FSTL4: variants seen among roughly 807,000 people sequenced by gnomAD.
FSTL4 encodes the protein follistatin like 4, also known as follistatin-related protein 4.
Under a neutral mutation model 78.2 loss-of-function variants are expected in FSTL4, and 28 were observed. The ratio of observed to expected loss-of-function variants is 0.36; its 90% CI spans 0.27 to 0.49. FSTL4 has a LOEUF of 0.49. Ranked by LOEUF, FSTL4 falls within the 20% of genes least tolerant of loss-of-function variation. FSTL4 has a pLI of 0.98. For synonymous variants in FSTL4, 422 were observed against 440.5 expected (o/e 0.96, Z 0.53); for missense variants, 922 against 1,084.9 (o/e 0.85, Z 2.11).
At position 133,239,849 on chromosome 5, in the gene FSTL4, C is replaced by G. The variant is rs535167516; in HGVS notation, c.895-6312G>C. ...GTGTCTAGCTCAGGGATTATAAACGCACCAATCAGCACCCTGTCAAAACGG... is the reference window on the plus strand; with the variant it reads ...GTGTCTAGCTCAGGGATTATAAACGGACCAATCAGCACCCTGTCAAAACGG... On this transcript the variant is annotated intron_variant, in intron 7 of 15. Transcript: ENST00000265342. Among the ~76,000 whole-genome samples the G allele has an allele frequency of 1.2e-4, 19 of 152,304 alleles. No homozygotes were observed. The East Asian group carries it at 2.1e-3, about 17-fold the overall frequency.
At chr5:133,553,023 C>T (rs1310754540) in intron 3 of FSTL4, among the ~76,000 whole-genome samples, 1 of 152,192 alleles carries the variant, frequency 6.6e-6, no homozygotes, top group Non-Finnish European at 1.5e-5. Flanking sequence ...CCTGGTCCTG[C>T]GGTTCCCTGT....
chr5:133,244,843 G>A (rs527551174), intron 7 of FSTL4: 18 of 152,556 alleles, frequency 1.2e-4, no homozygotes, highest in African/African-American at 3.8e-4. Flanking sequence ...GCAAAGGCCA[G>A]GTACGGTGGC....
rs768928025 is a variant in FSTL4, at chr5:133,225,076, C to G, written c.1312+74G>C. 4.5e-6 allele frequency: 7 copies of G among 1,557,984 alleles called. No homozygotes were observed. The highest frequency in any genetic ancestry group is 6.2e-6 in the Non-Finnish European group (7 of 1,132,286). ...CATGGTTGGCAGCTGTGGCCCTGGT[C>G]AATTGGTGCCCTCCCTTGCCACCCA... is the stretch of plus-strand genomic sequence containing the variant. On this transcript the variant is annotated intron_variant, in intron 10 of 15. Transcript: ENST00000265342. The surrounding 1 kb of genome is among the most constrained non-coding windows in gnomAD (Gnocchi z 4.6).
chr5:133,821,665 G>A, the FSTL4 span, among the ~76,000 whole-genome samples: 1 of 152,170 alleles, frequency 6.6e-6, no homozygotes, highest in South Asian at 2.1e-4. Flanking sequence ...AGGGAAGAGG[G>A]CACTGTGGAG....
chr5:133,571,464 T>C (rs2112948267), intron 2 of FSTL4, among the ~76,000 whole-genome samples: 1 of 152,216 alleles, frequency 6.6e-6, no homozygotes, highest in East Asian at 1.9e-4. Context: ...AGCCACATGT[T>C]ATCCAGATCT....
In FSTL4 at chr5:133,250,813, A is replaced by G. The variant is rs533001164; in HGVS notation, c.728-1237T>C. ...CAGCAAAGCCCTCCTTCTTCCACAG[A>G]TGCTGAGTGGCTCCGCCCTGGGCTC... On this transcript the variant is annotated intron_variant, in intron 6 of 15. Transcript: ENST00000265342. 2.6e-5 allele frequency among the ~76,000 whole-genome samples: 4 copies of G among 152,352 alleles called. No individual in the cohort carries two copies. In the East Asian group the frequency reaches 7.7e-4, roughly 29 times the overall value.
At chr5:133,705,358 C>T in the FSTL4 span, among the ~76,000 whole-genome samples, 1 of 152,172 alleles carries the variant, frequency 6.6e-6, no homozygotes, top group African/African-American at 2.4e-5. Context: ...TTTGCCCAGC[C>T]AGAATATATA....
At chr5:133,531,048 T>C (rs1304966841) in intron 3 of FSTL4, among the ~76,000 whole-genome samples, 1 of 152,158 alleles carries the variant, frequency 6.6e-6, no homozygotes, top group Non-Finnish European at 1.5e-5. Flanking sequence ...CGGCCCTGGA[T>C]AGGGCCGATA....
chr5:133,267,121 T>C (rs1752662795), intron 6 of FSTL4, among the ~76,000 whole-genome samples: 1 of 151,822 alleles, frequency 6.6e-6, no homozygotes, highest in African/African-American at 2.4e-5. Context: ...GGAACGGTAG[T>C]AGGAAAAACT....
At chr5:133,650,944 T>A in the FSTL4 span, among the ~76,000 whole-genome samples, 1 of 152,236 alleles carries the variant, frequency 6.6e-6, no homozygotes, top group South Asian at 2.1e-4. Flanking sequence ...GTTTTCCTCA[T>A]ACAGATCTTA....
At chr5:133,249,695 C>T (rs1464027824) in intron 6 of FSTL4, 119 bp from the exon 7 acceptor site, 1 of 708,680 alleles carries the variant, frequency 1.4e-6, no homozygotes, top group Non-Finnish European at 2.3e-6. Context: ...TCACGACTCC[C>T]TGAAAATTGT....
chr5:133,199,254 A>AC lies in FSTL4; in HGVS notation c.2369dup (p.Thr791TyrfsTer36), dbSNP rs765771244. The AC allele has an allele frequency of 1.9e-5, 30 of 1,612,754 alleles. No individual in the cohort carries two copies. Among genetic ancestry groups the AC allele is most frequent in the Non-Finnish European group, 6.8e-6 (8 of 1,179,360 alleles). On this transcript the variant is annotated frameshift_variant, in exon 16 of 16. Transcript: ENST00000265342. LOFTEE classifies it low-confidence loss of function (END_TRUNC). This position sits in a 1 kb window ranked among gnomAD's most constrained non-coding sequence, Gnocchi z 4.4. ...CACTGTCCCTCATGATTCTGTGGGTACCCCCCCAGGGCTGAGCTGGCCCTG... is the reference window on the plus strand; with the variant it reads ...CACTGTCCCTCATGATTCTGTGGGTACCCCCCCCAGGGCTGAGCTGGCCCTG...
the FSTL4 span, among the ~76,000 whole-genome samples, chr5:133,787,454 G>A: frequency 5.9e-5 from 9 of 152,220 alleles, no homozygotes; most frequent in African/African-American, 9.7e-5. Context: ...TAGGGTTGTT[G>A]GGGGTCAGAG....
At chr5:133,694,643 T>A in the FSTL4 span, among the ~76,000 whole-genome samples, 1 of 152,254 alleles carries the variant, frequency 6.6e-6, no homozygotes. Context: ...TTCTAGCACC[T>A]GTGACCATTC....
At chr5:133,608,882 G>A (rs1198671444) in intron 1 of FSTL4, among the ~76,000 whole-genome samples, 5 of 152,138 alleles carry the variant, frequency 3.3e-5, no homozygotes, top group African/African-American at 4.8e-5. Context: ...CCCAGAGAAC[G>A]CACACAGGCA....
At chr5:133,445,366 G>A (rs916194922) in intron 3 of FSTL4, among the ~76,000 whole-genome samples, 32 of 152,104 alleles carry the variant, frequency 2.1e-4, no homozygotes, top group Non-Finnish European at 1.3e-4. Context: ...TCACTGCTGC[G>A]GGGCAGCACA....
At chr5:133,608,773 C>A (rs1404737323) in intron 1 of FSTL4, among the ~76,000 whole-genome samples, 2 of 152,162 alleles carry the variant, frequency 1.3e-5, no homozygotes, top group Admixed American at 1.3e-4. Context: ...ATTCCAAATA[C>A]TGACTTGCTT....
At chr5:133,560,226 C>G (rs1759883482) in intron 3 of FSTL4, among the ~76,000 whole-genome samples, 1 of 152,230 alleles carries the variant, frequency 6.6e-6, no homozygotes, top group African/African-American at 2.4e-5. Flanking sequence ...GCAGATCCAT[C>G]GTGAGCCCTG....
the FSTL4 span, among the ~76,000 whole-genome samples, chr5:133,738,566 G>C: frequency 6.6e-6 from 1 of 152,174 alleles, no homozygotes; most frequent in Admixed American, 6.5e-5. Flanking sequence ...GTGGACACTA[G>C]AGTGGCTCTC....
Sources: gnomAD v4.1 joint callset for allele counts (sites outside exome capture counted in the v4.1 genomes callset) on GRCh38, gnomAD v4.1.1 for gene constraint, Gnocchi (gnomAD v3.1) non-coding constraint, MANE v1.5 for transcripts, NCBI Gene and HGNC (gene_info 2026-07-23, HGNC 2026-07-21) for gene names.